Variants in PHACTR2 observed in about 807,000 individuals in gnomAD.
PHACTR2 encodes phosphatase and actin regulator 2, also known as chromosome 6 open reading frame 56.
Under a neutral mutation model 76.0 loss-of-function variants are expected in PHACTR2, and 30 were observed. The observed-to-expected ratio is 0.39, with a 90% CI of 0.30 to 0.54. PHACTR2 has a LOEUF of 0.54. PHACTR2 is among the 20% of genes least tolerant of loss of function. PHACTR2 has a pLI of 0.61. For synonymous variants in PHACTR2, 292 were observed against 292.5 expected (o/e 1.00, Z 0.02); for missense variants, 696 against 781.1 (o/e 0.89, Z 1.30).
rs1775059268 is a variant in PHACTR2, at chr6:143,549,525, G to A, written c.217+12318G>A. Among the ~76,000 whole-genome samples the A allele has an allele frequency of 6.6e-6, 1 of 152,038 alleles. No homozygotes were observed. The highest frequency in any genetic ancestry group is 6.6e-5 in the Admixed American group (1 of 15,260). ...GAAGGCCGGCCACAGGCAATGGCAA[G>A]ATGAGAATGTTTGCCCAAGCCCAGG... On this transcript the variant is annotated intron_variant, in intron 1 of 11. Transcript: ENST00000367584. This position sits in a 1 kb window ranked among gnomAD's most constrained non-coding sequence, Gnocchi z 4.2.
chr6:143,626,430 C>G lies in PHACTR2; in HGVS notation c.13+18108C>G, dbSNP rs548957736. ...TGGGCGCCTTTAGTCCCAGGTACTC[C>G]GGAGGCTGAGGCAGGAGAATGGCGT... On this transcript the variant is annotated intron_variant, in intron 1 of 11. Coordinates refer to the PHACTR2 transcript ENST00000305766. Among the ~76,000 whole-genome samples the G allele has an allele frequency of 9.0e-3, 1,362 of 151,594 alleles. 24 individuals are homozygous for G. The highest frequency in any genetic ancestry group is 0.031 in the African/African-American group (1,281 of 41,242).
upstream of PHACTR2, chr6:143,608,140 C>A: frequency 1.5e-6 from 1 of 680,304 alleles, no homozygotes. The surrounding 1 kb of genome is among the most constrained non-coding windows in gnomAD (Gnocchi z 4.6). Context: ...TGTTTGTCAT[C>A]CTTGGAGATA....
upstream of PHACTR2, among the ~76,000 whole-genome samples, chr6:143,677,725 T>C (rs73778656): frequency 0.018 from 2,795 of 152,342 alleles, 85 homozygotes; most frequent in African/African-American, 0.062. Flanking sequence ...TTCCTTTTCT[T>C]GTAGCCCGTA....
rs1290502228 is a variant in PHACTR2, at chr6:143,689,187, A to G, written c.46+10978A>G. Among the ~76,000 whole-genome samples the G allele has an allele frequency of 1.3e-5, 2 of 152,114 alleles. No individual in the cohort carries two copies. Among genetic ancestry groups the G allele is most frequent in the African/African-American group, 4.8e-5 (2 of 41,396 alleles). ...ACCTTCCCTGCCTACCCCTCTCCAG[A>G]ATAACCCACCCAGGTCCCACCCACA... On this transcript the variant is annotated intron_variant, in intron 1 of 12. Transcript: ENST00000440869. This position sits in a 1 kb window ranked among gnomAD's most constrained non-coding sequence, Gnocchi z 4.4.
At chr6:143,601,279 T>C (rs576996678) in intron 1 of PHACTR2, among the ~76,000 whole-genome samples, 57 of 152,204 alleles carry the variant, frequency 3.7e-4, no homozygotes, top group African/African-American at 1.3e-3. Flanking sequence ...ATCAGAATCT[T>C]CTGGAAAAAA....
At chr6:143,628,934 T>G (rs1285471547) in intron 1 of PHACTR2, among the ~76,000 whole-genome samples, 6 of 6,446 alleles carry the variant, frequency 9.3e-4, no homozygotes, top group Admixed American at 3.4e-3. Flanking sequence ...GATATATATA[T>G]ATATATATAT....
intron 1 of PHACTR2, among the ~76,000 whole-genome samples, chr6:143,594,904 GT>G (rs753342188): frequency 5.4e-4 from 83 of 152,340 alleles, no homozygotes; most frequent in Non-Finnish European, 8.2e-4. Flanking sequence ...CTGTGGGGAT[GT>G]TTGACATCAT....
At chr6:143,716,356 G>C (rs756664999) in intron 2 of PHACTR2, among the ~76,000 whole-genome samples, 28 of 152,062 alleles carry the variant, frequency 1.8e-4, no homozygotes, top group Admixed American at 9.8e-4. Flanking sequence ...CTTGAACAGG[G>C]CCTTGGTCAC....
rs539353268 is a variant in PHACTR2 at position 143,662,059 on chromosome 6, T to G, written c.14-49957T>G. On this transcript the variant is annotated intron_variant, in intron 1 of 11. Transcript: ENST00000305766. The surrounding 1 kb of genome is among the most constrained non-coding windows in gnomAD (Gnocchi z 4.7). ...TCTCCCTGAATAAATCTTGTTTTGA[T>G]GAAAGATTAAGTCAGAGCACCTGCA... Among the ~76,000 whole-genome samples, 2 of 152,342 alleles carry G rather than the reference T, an allele frequency of 1.3e-5. No homozygotes were observed. The highest frequency in any genetic ancestry group is 2.1e-4 in the South Asian group (1 of 4,830).
rs1776497285 is a variant in PHACTR2, at chr6:143,824,645, G to C, written c.*956G>C. On this transcript the variant is annotated 3_prime_UTR_variant, in exon 13 of 13. Transcript: ENST00000440869. This position sits in a 1 kb window ranked among gnomAD's most constrained non-coding sequence, Gnocchi z 6.3. Reference sequence around the variant, plus strand: ...GACAGTATTGGCAATCATGACACCTGTAATAAAAACTTGAATCCAAAGTCA... The same window carrying C: ...GACAGTATTGGCAATCATGACACCTCTAATAAAAACTTGAATCCAAAGTCA... 1 of 152,580 alleles carries C rather than the reference G, an allele frequency of 6.6e-6. No individual in the cohort carries two copies. Among genetic ancestry groups the C allele is most frequent in the African/African-American group, 2.4e-5 (1 of 41,428 alleles). The allele number at this position is 152,580 out of a possible 1,614,324, so 9.5% of individuals were successfully genotyped here.
intron 1 of PHACTR2, among the ~76,000 whole-genome samples, chr6:143,690,710 G>A (rs1206099716): frequency 1.3e-5 from 2 of 152,068 alleles, no homozygotes; most frequent in African/African-American, 2.4e-5. Flanking sequence ...TTGGGTGATG[G>A]TCACACAAGA....
chr6:143,751,946 T>C lies in PHACTR2; in HGVS notation c.296-1808T>C, dbSNP rs1244623686. Among the ~76,000 whole-genome samples, 1 of 152,168 alleles carries C rather than the reference T, an allele frequency of 6.6e-6. No homozygotes were observed. The highest frequency in any genetic ancestry group is 2.4e-5 in the African/African-American group (1 of 41,460). ...CTTTACTTCCCCTCTGTTTTGTTCT[T>C]GAATTCCATATTTATCACAAATGTG... On this transcript the variant is annotated intron_variant, in intron 3 of 12. Transcript: ENST00000440869. This position sits in a 1 kb window ranked among gnomAD's most constrained non-coding sequence, Gnocchi z 5.7.
In PHACTR2 at chr6:143,653,813, T is replaced by G. The variant is rs143900008; in HGVS notation, c.13+45491T>G. ...TTTTCATGACCTTGAATTAGGCAAT[T>G]ATTTCTTTAAAATATGACACTAAAA... is the stretch of plus-strand genomic sequence containing the variant. On this transcript the variant is annotated intron_variant, in intron 1 of 11. Coordinates refer to the PHACTR2 transcript ENST00000305766. This position sits in a 1 kb window ranked among gnomAD's most constrained non-coding sequence, Gnocchi z 4.9. Among the ~76,000 whole-genome samples the G allele has an allele frequency of 6.6e-6, 1 of 152,248 alleles. No homozygotes were observed. Among genetic ancestry groups the G allele is most frequent in the African/African-American group, 2.4e-5 (1 of 41,532 alleles).
Position 143,757,004 on chromosome 6 carries a change from G to T in PHACTR2, c.454+3092G>T, listed in dbSNP as rs1312398676. ...GGAGGTTGTAGTGAGCTGAGTTCAG[G>T]CACCATTGCACTCCAGCCTGGGTGA... On this transcript the variant is annotated intron_variant, in intron 4 of 12. Coordinates refer to ENST00000440869, the MANE Select transcript of PHACTR2 (RefSeq NM_001100164.2). This position sits in a 1 kb window ranked among gnomAD's most constrained non-coding sequence, Gnocchi z 4.2. 1.3e-5 allele frequency among the ~76,000 whole-genome samples: 2 copies of T among 151,926 alleles called. No individual in the cohort carries two copies. The highest frequency in any genetic ancestry group is 2.9e-5 in the Non-Finnish European group (2 of 67,988).
chr6:143,570,530 A>T lies in PHACTR2; in HGVS notation c.217+33323A>T, dbSNP rs1208902862. The stretch of plus-strand genomic sequence containing the variant: ...ATGTTCTATCAATAGCTTTCTATCG[A>T]TTGGCAGTTTTGTGCCTTTTCAGTT... On this transcript the variant is annotated intron_variant, in intron 1 of 11. Coordinates refer to the PHACTR2 transcript ENST00000367584. This position sits in a 1 kb window ranked among gnomAD's most constrained non-coding sequence, Gnocchi z 4.6. 3.9e-5 allele frequency among the ~76,000 whole-genome samples: 6 copies of T among 152,122 alleles called. No homozygotes were observed. Among genetic ancestry groups the T allele is most frequent in the Admixed American group, 3.9e-4 (6 of 15,278 alleles).
At chr6:143,713,746 T>C (rs1231642601) in intron 2 of PHACTR2, among the ~76,000 whole-genome samples, 1 of 152,212 alleles carries the variant, frequency 6.6e-6, no homozygotes, top group African/African-American at 2.4e-5. Flanking sequence ...CTCCTTCCAG[T>C]CCCTGGCTGG....
At position 143,780,612 on chromosome 6, in the gene PHACTR2, T is replaced by A. The variant is rs938597464; in HGVS notation, c.1646-2607T>A. ...ATTTTTATACTTTTCTTTCTTCTTT[T>A]AGCTCATCCACAAAATTCTCTGGGT... On this transcript the variant is annotated intron_variant, in intron 9 of 12. Transcript: ENST00000440869. This position sits in a 1 kb window ranked among gnomAD's most constrained non-coding sequence, Gnocchi z 4.4. Among the ~76,000 whole-genome samples the A allele has an allele frequency of 6.6e-6, 1 of 152,252 alleles. No homozygotes were observed.
rs1775562381 is a variant in PHACTR2 at position 143,580,695 on chromosome 6, A to C, written c.217+43488A>C. On this transcript the variant is annotated intron_variant, in intron 1 of 11. Transcript: ENST00000367584. The surrounding 1 kb of genome is among the most constrained non-coding windows in gnomAD (Gnocchi z 4.2). ...CTCAAAAAATAAAATAAAATAAAAC[A>C]ATAAAAAATAAAAGAAGGGAGCCAC... 6.6e-6 allele frequency among the ~76,000 whole-genome samples: 1 copy of C among 152,128 alleles called. No homozygotes were observed. The highest frequency in any genetic ancestry group is 2.1e-4 in the South Asian group (1 of 4,832).
rs893274107 is a variant in PHACTR2, at chr6:143,672,524, C to G, written c.14-39492C>G. Among the ~76,000 whole-genome samples, 1 of 151,988 alleles carries G rather than the reference C, an allele frequency of 6.6e-6. No individual in the cohort carries two copies. The highest frequency in any genetic ancestry group is 2.4e-5 in the African/African-American group (1 of 41,392). ...ACAAACAAATACAGTTAATTCTGAC[C>G]ACCTACTATTAGAATTTAATCTTTC... On this transcript the variant is annotated intron_variant, in intron 1 of 11. Coordinates refer to the PHACTR2 transcript ENST00000305766. The surrounding 1 kb of genome is among the most constrained non-coding windows in gnomAD (Gnocchi z 5.8).
Sources: gnomAD v4.1 joint callset for allele counts (sites outside exome capture counted in the v4.1 genomes callset) on GRCh38, gnomAD v4.1.1 for gene constraint, Gnocchi (gnomAD v3.1) non-coding constraint, MANE v1.5 for transcripts, NCBI Gene and HGNC (gene_info 2026-07-23, HGNC 2026-07-21) for gene names.